RARB: variants seen among roughly 807,000 people sequenced by gnomAD.
RARB encodes the protein retinoic acid receptor beta.
RARB carries 17 observed loss-of-function variants against 51.9 expected under a neutral mutation model. The ratio of observed to expected loss-of-function variants is 0.33; its 90% CI spans 0.22 to 0.49. RARB has a LOEUF of 0.49. Ranked by LOEUF, RARB falls within the 20% of genes least tolerant of loss-of-function variation. RARB has a pLI of 0.99. For synonymous variants in RARB, 215 were observed against 195.4 expected (o/e 1.10, Z -0.84); for missense variants, 369 against 550.8 (o/e 0.67, Z 3.30).
chr3:25,037,784 C>T (rs1698027026), intron 2 of RARB, among the ~76,000 whole-genome samples: 1 of 152,138 alleles, frequency 6.6e-6, no homozygotes, highest in Admixed American at 6.5e-5. Flanking sequence ...TTAATCACCA[C>T]TGTGATGAAC....
chr3:24,903,856 T>C (rs1694783251), intron 2 of RARB, among the ~76,000 whole-genome samples: 1 of 152,212 alleles, frequency 6.6e-6, no homozygotes, highest in Admixed American at 6.6e-5. Context: ...AAAAACTTCA[T>C]TGCTATAACA....
intron 1 of RARB, among the ~76,000 whole-genome samples, chr3:24,856,349 T>C (rs1246405488): frequency 6.6e-6 from 1 of 152,116 alleles, no homozygotes; most frequent in African/African-American, 2.4e-5. Context: ...AGCCAATCAA[T>C]AGTATTAAGG....
chr3:24,861,393 C>A (rs1244822209), intron 2 of RARB, among the ~76,000 whole-genome samples: 1 of 151,976 alleles, frequency 6.6e-6, no homozygotes, highest in African/African-American at 2.4e-5. Flanking sequence ...TTATTTCATA[C>A]CTTCGTTAAT....
At chr3:25,496,499 G>T (rs569490094) in intron 2 of RARB, among the ~76,000 whole-genome samples, 1 of 152,296 alleles carries the variant, frequency 6.6e-6, no homozygotes, top group African/African-American at 2.4e-5. Context: ...GGCAAGGAAG[G>T]TGGCACACTT....
chr3:25,568,680 C>A (rs1700590808), intron 3 of RARB, among the ~76,000 whole-genome samples: 1 of 152,204 alleles, frequency 6.6e-6, no homozygotes. Flanking sequence ...GCAACTCAGG[C>A]CAGATCCTCT....
At chr3:24,996,275 A>C (rs961546170) in intron 2 of RARB, among the ~76,000 whole-genome samples, 14 of 152,088 alleles carry the variant, frequency 9.2e-5, no homozygotes, top group Non-Finnish European at 1.9e-4. Context: ...TGAATGATCC[A>C]TTGTATTTCT....
chr3:24,926,191 T>A (rs1034123916), intron 2 of RARB, among the ~76,000 whole-genome samples: 2 of 152,128 alleles, frequency 1.3e-5, no homozygotes, highest in African/African-American at 4.8e-5. Flanking sequence ...AGCAGTAGGA[T>A]GTTTGTTAGC....
intron 2 of RARB, among the ~76,000 whole-genome samples, chr3:25,048,898 G>A (rs980117432): frequency 4.6e-5 from 7 of 151,780 alleles, no homozygotes; most frequent in Admixed American, 2.0e-4. Context: ...TGGGACTAGC[G>A]CCCGCCACTG....
At chr3:25,247,858 T>A (rs952547254) in intron 5 of RARB, among the ~76,000 whole-genome samples, 2 of 152,252 alleles carry the variant, frequency 1.3e-5, no homozygotes, top group African/African-American at 4.8e-5. Context: ...ATACTGTAGC[T>A]GTTGGGTGAA....
intron 3 of RARB, among the ~76,000 whole-genome samples, chr3:25,068,954 C>T (rs1015446863): frequency 1.3e-5 from 2 of 151,418 alleles, no homozygotes; most frequent in African/African-American, 4.9e-5. Flanking sequence ...ATTCAGCCCT[C>T]AAGCAGATAC....
chr3:25,350,173 C>T (rs903566431), intron 5 of RARB, among the ~76,000 whole-genome samples: 1 of 152,128 alleles, frequency 6.6e-6, no homozygotes, highest in Non-Finnish European at 1.5e-5. Flanking sequence ...AAATGAGTCA[C>T]AAAGCCAGCC....
At chr3:25,377,367 G>A (rs896514085) in intron 5 of RARB, among the ~76,000 whole-genome samples, 7 of 152,200 alleles carry the variant, frequency 4.6e-5, no homozygotes, top group Admixed American at 2.0e-4. Flanking sequence ...AGGAAGAAAC[G>A]TGCAGATAGA....
intron 4 of RARB, among the ~76,000 whole-genome samples, chr3:25,169,287 AAAGTCCTAG>A (rs1451772705): frequency 6.6e-6 from 1 of 152,198 alleles, no homozygotes; most frequent in Non-Finnish European, 1.5e-5. Flanking sequence ...GCAATAATAG[AAAGTCCTAG>A]TCTGACATCA....
intron 1 of RARB, among the ~76,000 whole-genome samples, chr3:25,435,345 C>T (rs1443240522): frequency 6.6e-6 from 1 of 152,202 alleles, no homozygotes; most frequent in African/African-American, 2.4e-5. Context: ...TGGATCACAT[C>T]CCAATTTTTT....
intron 1 of RARB, among the ~76,000 whole-genome samples, chr3:25,443,161 G>A (rs1464033797): frequency 6.6e-6 from 1 of 152,162 alleles, no homozygotes; most frequent in African/African-American, 2.4e-5. Context: ...TCTCAAGTGA[G>A]CTAATATTTT....
intron 2 of RARB, among the ~76,000 whole-genome samples, chr3:24,878,866 A>G (rs1204348820): frequency 6.6e-6 from 1 of 152,170 alleles, no homozygotes; most frequent in East Asian, 1.9e-4. Flanking sequence ...TCCTGCCTAT[A>G]GATAAAGACT....
intron 2 of RARB, among the ~76,000 whole-genome samples, chr3:24,982,081 A>G (rs1389399216): frequency 2.0e-5 from 3 of 152,206 alleles, no homozygotes; most frequent in Non-Finnish European, 4.4e-5. Context: ...GATATTATAT[A>G]TCATCTGCCT....
chr3:25,062,397 T>G (rs754504051), intron 3 of RARB, among the ~76,000 whole-genome samples: 1 of 151,868 alleles, frequency 6.6e-6, no homozygotes, highest in Non-Finnish European at 1.5e-5. Context: ...TGAAATAACT[T>G]TTTCTAGTGT....
intron 3 of RARB, among the ~76,000 whole-genome samples, chr3:25,086,366 C>G (rs1334041185): frequency 1.3e-5 from 2 of 152,096 alleles, no homozygotes; most frequent in Admixed American, 6.6e-5. Flanking sequence ...TGTACTGTGT[C>G]ATTTGATTTG....
Sources: allele counts gnomAD v4.1 joint callset (sites outside exome capture counted in the v4.1 genomes callset), GRCh38; gene constraint gnomAD v4.1.1; transcripts MANE v1.5; gene names NCBI Gene and HGNC (gene_info 2026-07-23, HGNC 2026-07-21).